SCN1A: variants seen among roughly 807,000 people sequenced by gnomAD.
The protein encoded by SCN1A is sodium voltage-gated channel alpha subunit 1.
A neutral mutation model predicts 193.7 loss-of-function variants in SCN1A; 13 were observed. That is an observed-to-expected ratio of 0.07 (90% CI 0.04 to 0.11). SCN1A has a LOEUF of 0.11. Ranked by LOEUF, SCN1A falls within the 10% of genes least tolerant of loss-of-function variation. The pLI is 1.00. For synonymous variants in SCN1A, 781 were observed against 843.6 expected, an observed-to-expected ratio of 0.93 and a Z score of 1.29; for missense variants, 1,432 against 2,451.1, an observed-to-expected ratio of 0.58 and a Z score of 8.78.
rs1007259779 is a variant in SCN1A, at chr2:166,051,810, A to G, written c.873T>C (p.Ser291=). ...PPTNASLEEH[S]IEKNITVNYN... ...AATTCACAGTTATATTCTTTTCTATACTATGTTCCTCCAAGGAAGCATTGG... is the reference window on the plus strand; with the variant it reads ...AATTCACAGTTATATTCTTTTCTATGCTATGTTCCTCCAAGGAAGCATTGG... Residue 291 remains serine, a synonymous_variant, in exon 9 of 29, where the codon AGT becomes AGC. Transcript: ENST00000674923. The G allele has an allele frequency of 4.3e-6, 7 of 1,611,992 alleles. No individual in the cohort carries two copies. Among genetic ancestry groups the G allele is most frequent in the Non-Finnish European group, 5.9e-6 (7 of 1,178,658 alleles).
At chr2:166,004,407 T>G (rs947521271) in intron 23 of SCN1A, among the ~76,000 whole-genome samples, 1 of 151,580 alleles carries the variant, frequency 6.6e-6, no homozygotes, top group South Asian at 2.1e-4. Flanking sequence ...GATTTTCTTT[T>G]CACATTACCT....
At chr2:165,995,591 A>G (rs1689919567) in intron 27 of SCN1A, among the ~76,000 whole-genome samples, 1 of 151,794 alleles carries the variant, frequency 6.6e-6, no homozygotes, top group African/African-American at 2.4e-5. Context: ...GTAAGGTGTT[A>G]TTTCACTCAA....
chr2:166,007,482 TTTTATTTTACCCTAGATA>T (rs1691815554), intron 23 of SCN1A, among the ~76,000 whole-genome samples: 1 of 151,294 alleles, frequency 6.6e-6, no homozygotes, highest in Non-Finnish European at 1.5e-5. Flanking sequence ...TAAACACAAA[TTTTATTTTACCCTAGATA>T]TTCACGACAT....
intron 5 of SCN1A, among the ~76,000 whole-genome samples, chr2:166,057,167 C>T (rs1329670664): frequency 6.6e-6 from 1 of 151,964 alleles, no homozygotes; most frequent in Non-Finnish European, 1.5e-5. Context: ...CTCTCTGTGC[C>T]ATTGCCTTGT....
intron 22 of SCN1A, among the ~76,000 whole-genome samples, chr2:166,011,031 CA>C (rs1337883281): frequency 1.3e-5 from 2 of 151,224 alleles, no homozygotes; most frequent in Admixed American, 6.6e-5. Flanking sequence ...GAAATTGAAA[CA>C]TAATGTAACT....
rs372372558 is a variant in SCN1A at position 166,045,123 on chromosome 2, T to C, written c.1582A>G (p.Ser528Gly). ...AAGCGAAAACCTTTCCTCCTGATGC[T>C]GTCCTCAGATTCAGATTTTTGGAAT... ...DEFQKSESED[S>G]IRRKGFRFSI... Residue 528 changes from serine to glycine, a missense_variant, in exon 13 of 29, where the codon AGC becomes GGC. Ser to Gly is a moderately conservative substitution (Grantham distance 56). Around this residue, in one of 18 missense-constraint regions of SCN1A, gnomAD observed 316 missense variants for 362.1 expected, o/e 0.87. Transcript: ENST00000674923. The C allele has an allele frequency of 5.0e-6, 8 of 1,614,236 alleles. No individual in the cohort carries two copies. The highest frequency in any genetic ancestry group is 6.8e-6 in the Non-Finnish European group (8 of 1,180,030).
At chr2:166,064,381 G>C (rs1683624525) in intron 4 of SCN1A, among the ~76,000 whole-genome samples, 1 of 152,114 alleles carries the variant, frequency 6.6e-6, no homozygotes, top group Non-Finnish European at 1.5e-5. Flanking sequence ...CTGTTAATAT[G>C]TTTGTTACCT....
At chr2:166,041,593 T>C (rs1697200218) in intron 15 of SCN1A, 124 bp from the exon 16 acceptor site, 2 of 718,488 alleles carry the variant, frequency 2.8e-6, no homozygotes, top group East Asian at 2.5e-5. Context: ...ACAACCTTTT[T>C]TGTACTTGTT....
At chr2:165,998,250 A>G in intron 25 of SCN1A, 75 bp from the exon 26 acceptor site, 1 of 1,279,302 alleles carries the variant, frequency 7.8e-7, no homozygotes, top group Non-Finnish European at 1.1e-6. Context: ...CTTTTTCATA[A>G]CAATAGAAAA....
At chr2:166,015,808 A>C in intron 19 of SCN1A, 81 bp from the exon 20 acceptor site, 1 of 1,518,800 alleles carries the variant, frequency 6.6e-7, no homozygotes. Flanking sequence ...TATTACTATG[A>C]ATTTGTTTTT....
At chr2:166,102,272 G>A (rs916867377) in intron 2 of SCN1A, among the ~76,000 whole-genome samples, 6 of 152,054 alleles carry the variant, frequency 3.9e-5, no homozygotes, top group African/African-American at 1.2e-4. Context: ...TGAGGCGGGC[G>A]GATCACGAGG....
intron 8 of SCN1A, among the ~76,000 whole-genome samples, chr2:166,052,602 C>T (rs1004063380): frequency 1.1e-5 from 1 of 93,260 alleles, no homozygotes; most frequent in South Asian, 4.4e-4. Flanking sequence ...CTCGATAAAA[C>T]TAACATGGTG....
chr2:166,035,776 C>T (rs1184651542), intron 19 of SCN1A, among the ~76,000 whole-genome samples: 1 of 152,068 alleles, frequency 6.6e-6, no homozygotes, highest in Non-Finnish European at 1.5e-5. Flanking sequence ...GGTTGTTTAT[C>T]CTTGTAATCA....
At position 166,038,992 on chromosome 2, in the gene SCN1A, C is replaced by A. The variant is rs6761757; in HGVS notation, c.2589+431G>T. ...TACAGACTTTCTCTCCTTTGACTTT[C>A]GCAAGATGCATATTTTCCAGAGACA... On this transcript the variant is annotated intron_variant, in intron 17 of 28. Coordinates refer to ENST00000674923, the MANE Select transcript of SCN1A (RefSeq NM_001165963.4). Among the ~76,000 whole-genome samples, 55 of 152,152 alleles carry A rather than the reference C, an allele frequency of 3.6e-4. No individual in the cohort carries two copies. The South Asian group carries it at 0.011, about 32-fold the overall frequency.
chr2:166,056,632 T>C (rs1034574392), intron 5 of SCN1A, 132 bp from the exon 6 acceptor site: 5 of 682,064 alleles, frequency 7.3e-6, no homozygotes, highest in African/African-American at 7.2e-5. Flanking sequence ...GCAAGTCTTC[T>C]AATCTCCTTA....
At position 166,058,614 on chromosome 2, in the gene SCN1A, G is replaced by A; in HGVS notation, c.339C>T (p.Pro113=). ...SATSALYILT[P]FNPLRKIAIK... is the part of the protein sequence containing the mutation. ...TAGCTATTTTCCTAAGAGGATTGAAGGGAGTTAAAATGTACAGGGCAGAGG... is the reference window on the plus strand; with the variant it reads ...TAGCTATTTTCCTAAGAGGATTGAAAGGAGTTAAAATGTACAGGGCAGAGG... Residue 113 remains proline, a synonymous_variant, in exon 5 of 29, where the codon CCC becomes CCT. Coordinates refer to ENST00000674923, the MANE Select transcript of SCN1A (RefSeq NM_001165963.4). The A allele has an allele frequency of 6.2e-7, 1 of 1,611,814 alleles. No individual in the cohort carries two copies. Among genetic ancestry groups the A allele is most frequent in the Non-Finnish European group, 8.5e-7 (1 of 1,178,158 alleles).
chr2:166,118,270 T>C (rs1690104125), intron 2 of SCN1A, among the ~76,000 whole-genome samples: 1 of 150,120 alleles, frequency 6.7e-6, no homozygotes, highest in South Asian at 2.1e-4. Flanking sequence ...TCCTATTTTC[T>C]TTTTCTTTGC....
chr2:166,110,480 C>T (rs1462804589), intron 2 of SCN1A, among the ~76,000 whole-genome samples: 1 of 152,170 alleles, frequency 6.6e-6, no homozygotes, highest in African/African-American at 2.4e-5. Flanking sequence ...AAGATTGAAC[C>T]AGCCATAACA....
At chr2:166,038,853 C>T (rs1418332181) in intron 17 of SCN1A, among the ~76,000 whole-genome samples, 2 of 152,136 alleles carry the variant, frequency 1.3e-5, no homozygotes, top group African/African-American at 4.8e-5. Context: ...TAGGGGTATT[C>T]ATGTAGTTAC....
Sources: gnomAD v4.1 joint callset for allele counts (sites outside exome capture counted in the v4.1 genomes callset) on GRCh38, gnomAD v4.1.1 for gene constraint, gnomAD v4.1.1 regional missense constraint, MANE v1.5 for transcripts, NCBI Gene and HGNC (gene_info 2026-07-23, HGNC 2026-07-21) for gene names.